Variants in CNTN5 observed in about 807,000 individuals in gnomAD.
CNTN5 encodes the protein contactin 5.
CNTN5 carries 77 observed loss-of-function variants against 129.1 expected under a neutral mutation model. The ratio of observed to expected loss-of-function variants is 0.60; its 90% confidence interval spans 0.50 to 0.72. The LOEUF is 0.72. CNTN5 is among the 30% of genes least tolerant of loss of function. The pLI is 0.00. For synonymous variants in CNTN5, 509 were observed against 465.6 expected, an observed-to-expected ratio of 1.09 and a Z score of -1.20; for missense variants, 1,478 against 1,328.8, an observed-to-expected ratio of 1.11 and a Z score of -1.75.
chr11:99,943,365 C>G (rs879242082), intron 7 of CNTN5, among the ~76,000 whole-genome samples: 1 of 152,046 alleles, frequency 6.6e-6, no homozygotes. Context: ...TATCCCTTGC[C>G]CACTTTTTGA....
intron 1 of CNTN5, among the ~76,000 whole-genome samples, chr11:99,176,187 G>A (rs1337899960): frequency 6.6e-6 from 1 of 151,972 alleles, no homozygotes; most frequent in Non-Finnish European, 1.5e-5. Context: ...ACTTTGTCGT[G>A]TTTCTTTTTT....
rs142256945 is a variant in CNTN5, at chr11:99,982,863, G to T, written c.878-19171G>T. Among the ~76,000 whole-genome samples, 1,144 of 152,168 alleles carry T rather than the reference G, an allele frequency of 7.5e-3. 28 individuals carry two copies. Among genetic ancestry groups the T allele is most frequent in the East Asian group, 0.053 (274 of 5,174 alleles). ...TCACCGTATTAGCCAGGATGGTCTC[G>T]ATCTCCTGACCTCATGATCCGCCCA... On this transcript the variant is annotated intron_variant, in intron 8 of 24. Transcript: ENST00000524871.
chr11:99,135,611 A>G (rs1859177097), intron 1 of CNTN5, among the ~76,000 whole-genome samples: 1 of 142,512 alleles, frequency 7.0e-6, no homozygotes, highest in African/African-American at 2.7e-5. Flanking sequence ...TCTACCTTGC[A>G]TAATGCCTTC....
intron 7 of CNTN5, among the ~76,000 whole-genome samples, chr11:99,925,462 C>G (rs894281204): frequency 5.3e-5 from 8 of 152,150 alleles, no homozygotes; most frequent in African/African-American, 1.9e-4. Context: ...ATTGTAAACA[C>G]TCTAACATAT....
chr11:100,115,353 A>G (rs1429563549), intron 13 of CNTN5, among the ~76,000 whole-genome samples: 5 of 152,132 alleles, frequency 3.3e-5, no homozygotes. Context: ...ATTTTGATCA[A>G]TATCAGAAAA....
chr11:99,034,731 C>T (rs1010896526), intron 1 of CNTN5, among the ~76,000 whole-genome samples: 1 of 152,082 alleles, frequency 6.6e-6, no homozygotes, highest in African/African-American at 2.4e-5. Context: ...CTCCTGGATT[C>T]ATTAATTTTT....
intron 21 of CNTN5, among the ~76,000 whole-genome samples, chr11:100,315,462 A>G (rs1007203834): frequency 6.6e-6 from 1 of 152,218 alleles, no homozygotes; most frequent in Non-Finnish European, 1.5e-5. Context: ...ACAAGGTCAG[A>G]ATGATGACAG....
At chr11:99,803,862 C>T (rs1056390836) in intron 3 of CNTN5, among the ~76,000 whole-genome samples, 4 of 152,166 alleles carry the variant, frequency 2.6e-5, no homozygotes, top group African/African-American at 4.8e-5. Flanking sequence ...TGGTGGATTT[C>T]TGTTTTCCTT....
chr11:99,805,845 T>C (rs1398894690), intron 3 of CNTN5, among the ~76,000 whole-genome samples: 1 of 152,142 alleles, frequency 6.6e-6, no homozygotes, highest in Admixed American at 6.6e-5. Flanking sequence ...AGAGGAAAAA[T>C]GTCACCTAAA....
At chr11:99,519,951 T>G (rs1196221410) in intron 2 of CNTN5, among the ~76,000 whole-genome samples, 2 of 152,110 alleles carry the variant, frequency 1.3e-5, no homozygotes, top group Non-Finnish European at 2.9e-5. Context: ...ACTGTATTTT[T>G]CTTCCCACAT....
chr11:99,216,365 T>C (rs1159403114), intron 1 of CNTN5, among the ~76,000 whole-genome samples: 1 of 152,150 alleles, frequency 6.6e-6, no homozygotes, highest in African/African-American at 2.4e-5. Flanking sequence ...TTTCATTGTG[T>C]TATACAGGCC....
Position 99,641,563 on chromosome 11 carries a change from A to C in CNTN5, c.55+85294A>C, listed in dbSNP as rs534155538. On this transcript the variant is annotated intron_variant, in intron 3 of 24. Transcript: ENST00000524871. ...GGCAAGCCACCCCATCTTAGGAAGT[A>C]GAAATGTGTAGTGAACCGGAAATTC... Among the ~76,000 whole-genome samples the C allele has an allele frequency of 7.9e-5, 12 of 152,276 alleles. No homozygotes were observed. The East Asian group carries it at 2.3e-3, about 30-fold the overall frequency.
chr11:99,718,304 T>A (rs534281529), intron 3 of CNTN5, among the ~76,000 whole-genome samples: 8 of 152,288 alleles, frequency 5.3e-5, no homozygotes, highest in Non-Finnish European at 1.2e-4. Flanking sequence ...AAGAAAAGCA[T>A]TAAAAATGCA....
At chr11:100,186,886 A>C (rs1948315630) in intron 13 of CNTN5, among the ~76,000 whole-genome samples, 2 of 152,188 alleles carry the variant, frequency 1.3e-5, no homozygotes, top group African/African-American at 4.8e-5. Context: ...CAATAACCAG[A>C]CATTGTAATG....
intron 9 of CNTN5, among the ~76,000 whole-genome samples, chr11:100,015,991 G>A (rs770595): frequency 0.41 from 62,471 of 151,816 alleles, 13,215 homozygotes; most frequent in East Asian, 0.55. Flanking sequence ...TGACATGTAC[G>A]TGATACATCA....
chr11:99,826,552 G>A (rs529717490), intron 4 of CNTN5, among the ~76,000 whole-genome samples: 27 of 152,204 alleles, frequency 1.8e-4, no homozygotes, highest in African/African-American at 3.1e-4. Flanking sequence ...TTGTATGATC[G>A]GGTGAAGCAA....
At chr11:99,619,877 T>C (rs1231765323) in intron 3 of CNTN5, among the ~76,000 whole-genome samples, 1 of 151,604 alleles carries the variant, frequency 6.6e-6, no homozygotes, top group Non-Finnish European at 1.5e-5. Context: ...ATACAAAAAA[T>C]TAGCCGGGCA....
rs945305477 is a variant in CNTN5 at position 99,051,723 on chromosome 11, C to T, written c.-210+30453C>T. 5.9e-5 allele frequency among the ~76,000 whole-genome samples: 9 copies of T among 151,958 alleles called. No individual in the cohort carries two copies. In the East Asian group the frequency reaches 1.7e-3, roughly 29 times the overall value. On this transcript the variant is annotated intron_variant, in intron 1 of 24. Coordinates refer to ENST00000524871, the MANE Select transcript of CNTN5 (RefSeq NM_014361.4). ...AAACTTTACACAAATGATTAGGTAT[C>T]AGTCAATCCATCCGTTTGCTCTTGA...
At chr11:100,235,222 CTTTT>C (rs545023887) in intron 16 of CNTN5, among the ~76,000 whole-genome samples, 1 of 152,078 alleles carries the variant, frequency 6.6e-6, no homozygotes, top group Admixed American at 6.6e-5. Flanking sequence ...TAAAATCAGA[CTTTT>C]TTTTCTGAAC....
Sources: allele counts gnomAD v4.1 joint callset (sites outside exome capture counted in the v4.1 genomes callset), GRCh38; gene constraint gnomAD v4.1.1; transcripts MANE v1.5; gene names NCBI Gene and HGNC (gene_info 2026-07-23, HGNC 2026-07-21).